TNKS: variants seen among roughly 807,000 people sequenced by gnomAD.
The protein encoded by TNKS is poly [ADP-ribose] polymerase tankyrase-1.
Under a neutral mutation model 135.8 loss-of-function variants are expected in TNKS, and 72 were observed. The observed-to-expected ratio is 0.53, with a 90% CI of 0.44 to 0.64. The LOEUF (loss-of-function observed/expected upper bound fraction) is 0.64, where lower values mean the gene tolerates loss of function less well. Ranked by LOEUF, TNKS falls within the 30% of genes least tolerant of loss-of-function variation. The probability of loss-of-function intolerance (pLI) is 0.00; values close to 1 mark genes in which losing one functional copy is unlikely to be tolerated. For missense variants in TNKS, 1,769 were observed against 1,674.0 expected, an observed-to-expected ratio of 1.06 and a Z score of -0.99; for synonymous variants, 849 against 649.3, an observed-to-expected ratio of 1.31 and a Z score of -4.68.
At chr8:9,654,405 A>T (rs1363678148) in intron 3 of TNKS, among the ~76,000 whole-genome samples, 1 of 152,242 alleles carries the variant, frequency 6.6e-6, no homozygotes, top group African/African-American at 2.4e-5. Flanking sequence ...AAAAAAAATT[A>T]AATTTTAATA....
intron 20 of TNKS, among the ~76,000 whole-genome samples, chr8:9,753,788 A>C (rs1210322860): frequency 2.6e-5 from 4 of 152,190 alleles, no homozygotes; most frequent in Non-Finnish European, 5.9e-5. Flanking sequence ...AATGCTTGTA[A>C]CTTAAAGTGT....
At chr8:9,680,149 A>G (rs1050879715) in intron 4 of TNKS, among the ~76,000 whole-genome samples, 162 bp downstream of exon 4, 5 of 152,192 alleles carry the variant, frequency 3.3e-5, no homozygotes, top group African/African-American at 1.2e-4. Context: ...TATTGTATAT[A>G]ATAAAATCTT....
intron 3 of TNKS, among the ~76,000 whole-genome samples, chr8:9,617,331 A>G: frequency 6.6e-6 from 1 of 152,208 alleles, no homozygotes; most frequent in African/African-American, 2.4e-5. Context: ...CTTTGCTTAG[A>G]TAGGAATATA....
intron 1 of TNKS, chr8:9,574,916 A>C: frequency 2.2e-6 from 1 of 452,480 alleles, no homozygotes; most frequent in Non-Finnish European, 2.9e-6. Flanking sequence ...GAGAACCTAG[A>C]TATGAGGCTT....
chr8:9,683,680 G>C (rs1411338339), intron 5 of TNKS, among the ~76,000 whole-genome samples: 1 of 151,438 alleles, frequency 6.6e-6, no homozygotes, highest in Non-Finnish European at 1.5e-5. Context: ...TGAGACTTTA[G>C]GTTTTTTTTT....
chr8:9,711,156 A>G (rs1804312503), intron 11 of TNKS, among the ~76,000 whole-genome samples: 1 of 152,316 alleles, frequency 6.6e-6, no homozygotes, highest in Non-Finnish European at 1.5e-5. Flanking sequence ...GGAGCATACA[A>G]GATGCCCTGT....
At chr8:9,634,043 C>T (rs1800401966) in intron 3 of TNKS, among the ~76,000 whole-genome samples, 1 of 150,028 alleles carries the variant, frequency 6.7e-6, no homozygotes, top group South Asian at 2.1e-4. Context: ...ATTACTAATA[C>T]ACTATAGGAA....
At chr8:9,561,997 A>C (rs1005370907) in intron 1 of TNKS, among the ~76,000 whole-genome samples, 1 of 151,984 alleles carries the variant, frequency 6.6e-6, no homozygotes, top group Non-Finnish European at 1.5e-5. Context: ...TTGTATTTTT[A>C]GTAGAGACGG....
chr8:9,631,656 A>G (rs916889123), intron 3 of TNKS, among the ~76,000 whole-genome samples: 2 of 151,416 alleles, frequency 1.3e-5, no homozygotes, highest in Non-Finnish European at 2.9e-5. Context: ...TTGTGAGCCT[A>G]TTTGTGTTTA....
chr8:9,683,137 G>A lies in TNKS; in HGVS notation c.1107+2337G>A, dbSNP rs563298103. 9.9e-5 allele frequency among the ~76,000 whole-genome samples: 15 copies of A among 151,968 alleles called. 1 individual carries two copies. The South Asian group carries it at 2.9e-3, about 29-fold the overall frequency. ...TATTTAGATATTATTCTCATTTACG[G>A]CACAGAGTAATTCTTATTAAATGTA... On this transcript the variant is annotated intron_variant, in intron 5 of 26. Transcript: ENST00000310430.
At chr8:9,613,503 T>C (rs1216999131) in intron 2 of TNKS, among the ~76,000 whole-genome samples, 2 of 152,234 alleles carry the variant, frequency 1.3e-5, no homozygotes, top group African/African-American at 4.8e-5. Context: ...TTAATTCATA[T>C]GTGATGAATG....
At chr8:9,630,409 A>G (rs138118950) in intron 3 of TNKS, among the ~76,000 whole-genome samples, 8 of 152,334 alleles carry the variant, frequency 5.3e-5, no homozygotes, top group African/African-American at 1.9e-4. Context: ...AAGATTTGAA[A>G]AGGGACCTTT....
rs115605640 is a variant in TNKS, at chr8:9,607,535, C to G, written c.899-8047C>G. Among the ~76,000 whole-genome samples, 1,277 of 152,308 alleles carry G rather than the reference C, an allele frequency of 8.4e-3. 24 individuals are homozygous for G. The highest frequency in any genetic ancestry group is 0.029 in the African/African-American group (1,197 of 41,558). The stretch of plus-strand genomic sequence containing the variant: ...TCAGAAAACCTTTTGCACTCTGTAA[C>G]ATCACAATCCACTGGTCGTCTTACA... On this transcript the variant is annotated intron_variant, in intron 2 of 26. Transcript: ENST00000310430.
At chr8:9,664,470 A>C (rs1801894516) in intron 3 of TNKS, among the ~76,000 whole-genome samples, 1 of 152,232 alleles carries the variant, frequency 6.6e-6, no homozygotes, top group Non-Finnish European at 1.5e-5. Flanking sequence ...AACATTGGGC[A>C]TCCAATTTCA....
intron 3 of TNKS, among the ~76,000 whole-genome samples, chr8:9,661,719 T>G (rs534634381): frequency 8.2e-4 from 124 of 151,934 alleles, no homozygotes; most frequent in African/African-American, 2.8e-3. Flanking sequence ...GCAACAAAAG[T>G]CAAAATTGAC....
At chr8:9,573,765 T>C (rs1797846231) in intron 1 of TNKS, among the ~76,000 whole-genome samples, 1 of 152,230 alleles carries the variant, frequency 6.6e-6, no homozygotes, top group South Asian at 2.1e-4. Flanking sequence ...GTGGTTGTAG[T>C]TTTGCTGACA....
At chr8:9,600,324 G>A (rs1243402789) in intron 2 of TNKS, among the ~76,000 whole-genome samples, 1 of 152,010 alleles carries the variant, frequency 6.6e-6, no homozygotes, top group Non-Finnish European at 1.5e-5. Context: ...AAAGTTGTGG[G>A]GTTTTTTGAG....
At position 9,622,193 on chromosome 8, in the gene TNKS, G is replaced by A. The variant is rs2128768004; in HGVS notation, c.994+6516G>A. 2.6e-5 allele frequency among the ~76,000 whole-genome samples: 4 copies of A among 152,298 alleles called. No homozygotes were observed. The Middle Eastern group carries it at 0.014, about 518-fold the overall frequency. ...AAAAAAGATTATATCTGACGTAAGA[G>A]ATTAATTTCAATTTTCAAGTGTTGT... On this transcript the variant is annotated intron_variant, in intron 3 of 26. Coordinates refer to ENST00000310430, the MANE Select transcript of TNKS (RefSeq NM_003747.3).
At chr8:9,630,857 C>A (rs1243404005) in intron 3 of TNKS, among the ~76,000 whole-genome samples, 2 of 152,146 alleles carry the variant, frequency 1.3e-5, no homozygotes, top group Non-Finnish European at 2.9e-5. Flanking sequence ...GCCTTATGCT[C>A]TAGAAACATT....
Sources: gnomAD v4.1 joint callset for allele counts (sites outside exome capture counted in the v4.1 genomes callset) on GRCh38, gnomAD v4.1.1 for gene constraint, MANE v1.5 for transcripts, NCBI Gene and HGNC (gene_info 2026-07-23, HGNC 2026-07-21) for gene names.